REPS2: variants seen among roughly 807,000 people sequenced by gnomAD.
REPS2 encodes the protein ralBP1-associated Eps domain-containing protein 2.
Under a neutral mutation model 53.6 loss-of-function variants are expected in REPS2, and 23 were observed. The observed-to-expected ratio is 0.43, with a 90% CI of 0.31 to 0.61. REPS2 has a LOEUF of 0.61. REPS2 is among the 20% of genes least tolerant of loss of function. The probability of loss-of-function intolerance (pLI) is 0.11; values close to 1 mark genes in which losing one functional copy is unlikely to be tolerated. For synonymous variants in REPS2, 238 were observed against 218.6 expected, an observed-to-expected ratio of 1.09 and a Z score of -0.78; for missense variants, 446 against 534.9, an observed-to-expected ratio of 0.83 and a Z score of 1.64.
chrX:16,975,353 T>A (rs2060942777), intron 1 of REPS2, among the ~76,000 whole-genome samples: 2 of 112,132 alleles, frequency 1.8e-5, no homozygotes, highest in Admixed American at 1.9e-4. Context: ...AGCATTCCTT[T>A]TTCTCTGCAA....
At chrX:17,087,924 CGATAGATAGATAGAT>C (rs1443600079) in intron 13 of REPS2, among the ~76,000 whole-genome samples, 1 of 91,280 alleles carries the variant, frequency 1.1e-5, no homozygotes, top group Admixed American at 1.2e-4. Context: ...GAGACTCTGT[CGATAGATAGATAGAT>C]AGATAGATAG....
chrX:16,951,062 A>C (rs1165412157), intron 1 of REPS2, among the ~76,000 whole-genome samples: 1 of 111,944 alleles, frequency 8.9e-6, no homozygotes, highest in Non-Finnish European at 1.9e-5. Context: ...AAGTAAAATA[A>C]GCCTGTCAAA....
intron 17 of REPS2, among the ~76,000 whole-genome samples, chrX:17,139,249 G>T (rs1256418948): frequency 8.9e-6 from 1 of 111,891 alleles, no homozygotes; most frequent in Non-Finnish European, 1.9e-5. Flanking sequence ...AGGAAGACTA[G>T]TGACTTTAAT....
chrX:17,087,889 A>C (rs1181219237), intron 13 of REPS2, among the ~76,000 whole-genome samples: 1 of 110,543 alleles, frequency 9.0e-6, no homozygotes, highest in Non-Finnish European at 1.9e-5. Flanking sequence ...GTGCCACTGC[A>C]CTGCAGCCTG....
chrX:17,184,978 C>T, the REPS2 span, among the ~76,000 whole-genome samples: 1 of 111,504 alleles, frequency 9.0e-6, no homozygotes, highest in African/African-American at 3.3e-5. Context: ...TAACAGACTA[C>T]CCCAAAACTT....
the REPS2 span, among the ~76,000 whole-genome samples, chrX:17,169,844 G>A: frequency 1.8e-5 from 2 of 111,875 alleles, no homozygotes; most frequent in African/African-American, 6.5e-5. Context: ...CTCTCCAGTG[G>A]GATGCAAGTG....
At chrX:17,055,247 A>G (rs764249290) in intron 8 of REPS2, among the ~76,000 whole-genome samples, 1,324 of 62,531 alleles carry the variant, frequency 0.021, 49 homozygotes, top group African/African-American at 0.081. Context: ...GATTCTGGAT[A>G]TTAGCCCTTT....
intron 5 of REPS2, among the ~76,000 whole-genome samples, chrX:17,034,543 G>A (rs1261383713): frequency 9.0e-6 from 1 of 111,622 alleles, no homozygotes; most frequent in Non-Finnish European, 1.9e-5. Context: ...TGATCTGCCC[G>A]CCTCGGACTC....
In REPS2 at chrX:16,999,401, TCTTTTC is replaced by T. The variant is rs1392201828; in HGVS notation, c.274-6814_274-6809del. ...TTTTTTTTTTTTTTTTTGCACAGAG[TCTTTTC>T]CTTTTTTAGATTCCTTCTGAGCCAG... On this transcript the variant is annotated intron_variant, in intron 1 of 17. Coordinates refer to ENST00000357277, the MANE Select transcript of REPS2 (RefSeq NM_004726.3). Among the ~76,000 whole-genome samples, 150 of 84,084 alleles carry T rather than the reference TCTTTTC, an allele frequency of 1.8e-3. 1 individual carries two copies. The highest frequency in any genetic ancestry group is 2.8e-3 in the Non-Finnish European group (123 of 43,471). The allele number at this position is 84,084 out of a possible 115,157, so 73.0% of individuals were successfully genotyped here.
chrX:17,164,965 C>T, the REPS2 span, among the ~76,000 whole-genome samples: 1 of 111,051 alleles, frequency 9.0e-6, no homozygotes, highest in Non-Finnish European at 1.9e-5. Context: ...TCTTTTATGT[C>T]CTTAGCTCCC....
At chrX:17,146,066 G>T (rs1430096987) in intron 17 of REPS2, among the ~76,000 whole-genome samples, 1 of 104,890 alleles carries the variant, frequency 9.5e-6, no homozygotes, top group Non-Finnish European at 1.9e-5. Context: ...CCGAGATCGC[G>T]CCATTGCACT....
At chrX:16,970,949 A>G (rs1458946369) in intron 1 of REPS2, among the ~76,000 whole-genome samples, 1 of 112,512 alleles carries the variant, frequency 8.9e-6, no homozygotes, top group Non-Finnish European at 1.9e-5. Context: ...GCTACTCTGA[A>G]CACTTGTGTA....
chrX:17,142,808 C>T (rs1036078562), intron 17 of REPS2, among the ~76,000 whole-genome samples: 3 of 112,013 alleles, frequency 2.7e-5, no homozygotes, highest in Non-Finnish European at 5.6e-5. Context: ...GTTATACATA[C>T]ACTAACCATG....
chrX:17,150,529 A>G lies in REPS2; in HGVS notation c.*3048A>G, dbSNP rs1034126117. 6 of 113,090 alleles carry G rather than the reference A, an allele frequency of 5.3e-5. No homozygotes were observed. The highest frequency in any genetic ancestry group is 1.1e-4 in the Non-Finnish European group (6 of 53,449). The allele number at this position is 113,090 out of a possible 1,213,427, so 9.3% of individuals were successfully genotyped here. A position where few individuals can be genotyped will look rare whatever the true frequency, so the allele number is the denominator to read the frequency against. ...AAAGGTAGATATCTGGAATGAATGT[A>G]TATGTTGTAATTGAGGCAGATATTT... On this transcript the variant is annotated 3_prime_UTR_variant, in exon 18 of 18. Transcript: ENST00000357277.
At chrX:17,038,935 G>A (rs750783172) in intron 5 of REPS2, among the ~76,000 whole-genome samples, 2 of 112,118 alleles carry the variant, frequency 1.8e-5, no homozygotes, top group African/African-American at 3.2e-5. Flanking sequence ...ACCCAAGTCT[G>A]TCTGCCTCTG....
At chrX:17,146,282 G>A (rs2063513922) in intron 17 of REPS2, among the ~76,000 whole-genome samples, 1 of 110,262 alleles carries the variant, frequency 9.1e-6, no homozygotes, top group East Asian at 2.8e-4. Context: ...CAGGCTTTTT[G>A]TTCATCAAAT....
chrX:17,020,781 G>A lies in REPS2; in HGVS notation c.398-1342G>A, dbSNP rs901831261. On this transcript the variant is annotated intron_variant, in intron 2 of 17. Transcript: ENST00000357277. ...GTAGCTGGGATTACAGGCGCCTGAC[G>A]CCACGCCTGGCTAATTTTTGGTATT... Among the ~76,000 whole-genome samples the A allele has an allele frequency of 3.6e-5, 4 of 110,493 alleles. No homozygotes were observed. In the East Asian group the frequency reaches 8.5e-4, roughly 24 times the overall value.
chrX:17,164,212 A>G, the REPS2 span, among the ~76,000 whole-genome samples: 1 of 112,060 alleles, frequency 8.9e-6, no homozygotes, highest in South Asian at 3.7e-4. Context: ...AAATATAGCA[A>G]AATGGTAGAT....
At chrX:17,083,796 C>G (rs1444442436) in intron 13 of REPS2, among the ~76,000 whole-genome samples, 1 of 111,060 alleles carries the variant, frequency 9.0e-6, no homozygotes, top group Non-Finnish European at 1.9e-5. Flanking sequence ...GGATTCCTGA[C>G]CCACCCCAAA....
Sources: allele counts gnomAD v4.1 joint callset (sites outside exome capture counted in the v4.1 genomes callset), GRCh38; gene constraint gnomAD v4.1.1; transcripts MANE v1.5; gene names NCBI Gene and HGNC (gene_info 2026-07-23, HGNC 2026-07-21).